The following FMN1 variants were observed in gnomAD, a reference collection of about 807,000 sequenced individuals.
FMN1 encodes the protein formin-1.
In FMN1, 110 loss-of-function variants were observed where a neutral mutation model predicts 132.4. That is an observed-to-expected ratio of 0.83 (90% CI 0.71 to 0.97). The LOEUF (loss-of-function observed/expected upper bound fraction) is 0.97, where lower values mean the gene tolerates loss of function less well. Among genes scored for constraint, FMN1 ranks in the 50% least tolerant of loss-of-function variants. The pLI is 0.00. For synonymous variants in FMN1, 722 were observed against 651.7 expected, an observed-to-expected ratio of 1.11 and a Z score of -1.64; for missense variants, 1,792 against 1,705.3, an observed-to-expected ratio of 1.05 and a Z score of -0.90.
intron 4 of FMN1, among the ~76,000 whole-genome samples, chr15:33,135,899 C>A (rs1300103106): frequency 6.6e-6 from 1 of 152,182 alleles, no homozygotes; most frequent in Admixed American, 6.5e-5. Context: ...GGTCTTCACC[C>A]TTCTAGAATG....
At chr15:32,927,103 T>A (rs1267963040) in intron 9 of FMN1, among the ~76,000 whole-genome samples, 2 of 152,128 alleles carry the variant, frequency 1.3e-5, no homozygotes, top group African/African-American at 4.8e-5. Context: ...GGCCTATACA[T>A]TTATTTTAGA....
Position 33,127,888 on chromosome 15 carries a change from C to T in FMN1, c.1867+25160G>A, listed in dbSNP as rs114257699. On this transcript the variant is annotated intron_variant, in intron 4 of 20. Coordinates refer to ENST00000616417, the MANE Select transcript of FMN1 (RefSeq NM_001277313.2). ...GTGCTGTTTCCGAGGAATCTTATGC[C>T]TCTCTTTATTCTACAACAAATGGAG... 2.5e-3 allele frequency among the ~76,000 whole-genome samples: 380 copies of T among 152,104 alleles called. 4 individuals are homozygous for T. Among genetic ancestry groups the T allele is most frequent in the African/African-American group, 8.8e-3 (367 of 41,496 alleles).
At chr15:33,052,923 C>T (rs1323958640) in intron 6 of FMN1, among the ~76,000 whole-genome samples, 2 of 152,130 alleles carry the variant, frequency 1.3e-5, no homozygotes, top group Non-Finnish European at 1.5e-5. Flanking sequence ...ATGCACTACC[C>T]ATTGTGAGTC....
intron 4 of FMN1, among the ~76,000 whole-genome samples, chr15:33,151,710 T>C (rs1441892869): frequency 6.6e-6 from 1 of 151,670 alleles, no homozygotes; most frequent in African/African-American, 2.4e-5. Context: ...CTCTTAATAA[T>C]CTCAGAGAGT....
chr15:33,180,559 G>A (rs1274586015), intron 2 of FMN1, among the ~76,000 whole-genome samples: 3 of 152,096 alleles, frequency 2.0e-5, no homozygotes, highest in Non-Finnish European at 4.4e-5. Context: ...ACATTTCAGT[G>A]CTGAAACCAG....
At chr15:32,817,119 C>T (rs555745777) in intron 17 of FMN1, among the ~76,000 whole-genome samples, 12 of 152,304 alleles carry the variant, frequency 7.9e-5, no homozygotes, top group Non-Finnish European at 1.3e-4. Flanking sequence ...TACACGAAAC[C>T]TCTGACATCT....
At chr15:32,993,886 C>T (rs921981644) in intron 7 of FMN1, among the ~76,000 whole-genome samples, 2 of 140,302 alleles carry the variant, frequency 1.4e-5, no homozygotes, top group African/African-American at 5.6e-5. Flanking sequence ...TCAACTTGTC[C>T]TCTGCAACAG....
At chr15:33,008,561 T>C (rs1566819366) in intron 6 of FMN1, among the ~76,000 whole-genome samples, 2 of 152,238 alleles carry the variant, frequency 1.3e-5, no homozygotes. Context: ...GGGCTGATTT[T>C]AATCTTTATC....
intron 8 of FMN1, among the ~76,000 whole-genome samples, chr15:32,965,822 A>C (rs2031167406): frequency 6.6e-6 from 1 of 152,216 alleles, no homozygotes; most frequent in African/African-American, 2.4e-5. Flanking sequence ...TAGAATGAAC[A>C]CCTGGGAAAC....
At chr15:33,085,758 A>C (rs2038665778) in intron 5 of FMN1, among the ~76,000 whole-genome samples, 1 of 152,134 alleles carries the variant, frequency 6.6e-6, no homozygotes, top group Admixed American at 6.5e-5. Context: ...GGGTATAGGA[A>C]AAATTGTATT....
At chr15:32,939,427 A>G (rs2061353299) in intron 9 of FMN1, among the ~76,000 whole-genome samples, 1 of 152,166 alleles carries the variant, frequency 6.6e-6, no homozygotes, top group Non-Finnish European at 1.5e-5. Context: ...AAGTGATAAC[A>G]AAGATGTGGA....
chr15:32,898,749 C>G, intron 15 of FMN1, 85 bp downstream of exon 15: 1 of 861,154 alleles, frequency 1.2e-6, no homozygotes, highest in Non-Finnish European at 1.9e-6. Context: ...GCTTGCAGTT[C>G]GTTCATCCAT....
At chr15:32,938,905 T>C (rs2140428904) in intron 9 of FMN1, among the ~76,000 whole-genome samples, 1 of 152,330 alleles carries the variant, frequency 6.6e-6, no homozygotes, top group Admixed American at 6.5e-5. Context: ...TCTACTAGGC[T>C]GGTACAATAC....
chr15:32,860,114 A>AGAAG (rs997414245), intron 16 of FMN1, among the ~76,000 whole-genome samples: 6 of 148,768 alleles, frequency 4.0e-5, no homozygotes, highest in African/African-American at 1.5e-4. Flanking sequence ...GAGGGAGGAA[A>AGAAG]GAAGGAAGAG....
chr15:32,831,346 T>C (rs1596033026), intron 17 of FMN1, among the ~76,000 whole-genome samples: 1 of 152,052 alleles, frequency 6.6e-6, no homozygotes, highest in East Asian at 1.9e-4. Flanking sequence ...GCCTCCCGAG[T>C]AGCTGGGAAT....
intron 5 of FMN1, among the ~76,000 whole-genome samples, chr15:33,088,008 A>G (rs541985744): frequency 1.3e-5 from 2 of 152,262 alleles, no homozygotes; most frequent in East Asian, 3.9e-4. Flanking sequence ...GAGCTAAGCT[A>G]TGAGGACGCA....
chr15:32,934,937 T>G (rs2061224990), intron 9 of FMN1, among the ~76,000 whole-genome samples: 1 of 151,000 alleles, frequency 6.6e-6, no homozygotes, highest in South Asian at 2.1e-4. Flanking sequence ...CTTTTTTTTT[T>G]TTTGAGACAC....
chr15:32,822,619 C>G (rs2058248341), intron 17 of FMN1, among the ~76,000 whole-genome samples: 1 of 152,052 alleles, frequency 6.6e-6, no homozygotes, highest in South Asian at 2.1e-4. Context: ...ATTAAGGGTG[C>G]ACATATGTGT....
intron 4 of FMN1, among the ~76,000 whole-genome samples, chr15:33,146,578 A>G (rs1964230088): frequency 6.6e-6 from 1 of 152,146 alleles, no homozygotes; most frequent in Non-Finnish European, 1.5e-5. Context: ...AGAACCTTCT[A>G]TGAGAGGGAA....
Sources: gnomAD v4.1 joint callset for allele counts (sites outside exome capture counted in the v4.1 genomes callset) on GRCh38, gnomAD v4.1.1 for gene constraint, MANE v1.5 for transcripts, NCBI Gene and HGNC (gene_info 2026-07-23, HGNC 2026-07-21) for gene names.